FANCC: variants seen among roughly 807,000 people sequenced by gnomAD.
FANCC encodes Fanconi anemia group C protein.
Under a neutral mutation model 71.3 loss-of-function variants are expected in FANCC, and 55 were observed. The observed-to-expected ratio is 0.77, with a 90% CI of 0.62 to 0.97. The LOEUF (loss-of-function observed/expected upper bound fraction) is 0.97. FANCC is among the 50% of genes least tolerant of loss of function. The pLI is 0.00. For synonymous variants in FANCC, 275 were observed against 244.9 expected, an observed-to-expected ratio of 1.12 and a Z score of -1.15; for missense variants, 678 against 670.9, an observed-to-expected ratio of 1.01 and a Z score of -0.12.
intron 6 of FANCC, among the ~76,000 whole-genome samples, chr9:95,154,563 G>A (rs1472694293): frequency 6.6e-6 from 1 of 152,156 alleles, no homozygotes; most frequent in Non-Finnish European, 1.5e-5. Context: ...AATCTCAAAA[G>A]TTGAATGAAT....
intron 3 of FANCC, among the ~76,000 whole-genome samples, chr9:95,244,678 CAAAAAAAAAAAAAAAAAAAAAAA>C (rs576605250): frequency 1.4e-4 from 6 of 41,554 alleles, no homozygotes; most frequent in Admixed American, 5.0e-4. Context: ...GACTTTGTCT[CAAAAAAAAAAAAAAAAAAAAAAA>C]AAAAAAAAAA....
chr9:95,288,152 T>G (rs959345252), intron 1 of FANCC, among the ~76,000 whole-genome samples: 4 of 152,202 alleles, frequency 2.6e-5, no homozygotes. Context: ...GTGGAATAAT[T>G]ATTTCTTTTA....
chr9:95,134,024 T>C (rs1030442755), intron 8 of FANCC, among the ~76,000 whole-genome samples: 5 of 152,224 alleles, frequency 3.3e-5, no homozygotes, highest in East Asian at 1.9e-4. Flanking sequence ...TCAGTCTTAA[T>C]ATACACGTCT....
At chr9:95,218,536 T>C (rs981610258) in intron 4 of FANCC, among the ~76,000 whole-genome samples, 4 of 152,148 alleles carry the variant, frequency 2.6e-5, no homozygotes, top group African/African-American at 9.7e-5. Context: ...CAGATCAATA[T>C]TTCTCATGAA....
chr9:95,304,939 G>T (rs1030595277), intron 1 of FANCC, among the ~76,000 whole-genome samples: 2 of 152,084 alleles, frequency 1.3e-5, no homozygotes, highest in African/African-American at 4.8e-5. Flanking sequence ...ACTTGACAAT[G>T]CTTGGCTTCA....
At chr9:95,226,310 C>G (rs757303835) in intron 4 of FANCC, among the ~76,000 whole-genome samples, 1 of 152,144 alleles carries the variant, frequency 6.6e-6, no homozygotes, top group Non-Finnish European at 1.5e-5. Flanking sequence ...TTTTCAGATG[C>G]CTGTTACTAG....
chr9:95,175,397 T>TA (rs1368861148), intron 4 of FANCC, among the ~76,000 whole-genome samples: 1 of 152,128 alleles, frequency 6.6e-6, no homozygotes, highest in South Asian at 2.1e-4. Flanking sequence ...CTTACAGAGT[T>TA]AGAGAGTTAG....
At chr9:95,129,784 C>G (rs914023108) in intron 8 of FANCC, among the ~76,000 whole-genome samples, 4 of 152,114 alleles carry the variant, frequency 2.6e-5, no homozygotes, top group African/African-American at 4.8e-5. Context: ...TTATCTCCCC[C>G]CTCAGGCTTT....
chr9:95,287,385 T>C (rs1481679851), intron 1 of FANCC, among the ~76,000 whole-genome samples: 1 of 152,230 alleles, frequency 6.6e-6, no homozygotes, highest in Non-Finnish European at 1.5e-5. Context: ...GCATTCCTCA[T>C]TTATGTTCAC....
chr9:95,234,531 C>A (rs577958136), intron 4 of FANCC, among the ~76,000 whole-genome samples: 1 of 152,308 alleles, frequency 6.6e-6, no homozygotes, highest in African/African-American at 2.4e-5. Context: ...TTAGCCAAGG[C>A]TGTCTTGATG....
At chr9:95,209,251 C>T (rs895666491) in intron 4 of FANCC, among the ~76,000 whole-genome samples, 3 of 152,100 alleles carry the variant, frequency 2.0e-5, no homozygotes, top group Non-Finnish European at 4.4e-5. Context: ...AGGGAGAGCA[C>T]GAATAATTTC....
At chr9:95,114,910 G>C (rs770680007) in intron 11 of FANCC, among the ~76,000 whole-genome samples, 200 bp from the exon 12 acceptor site, 1 of 152,188 alleles carries the variant, frequency 6.6e-6, no homozygotes, top group Non-Finnish European at 1.5e-5. Flanking sequence ...ATGTCACACA[G>C]AGTTGAACAT....
chr9:95,149,863 C>A (rs1830043801), intron 7 of FANCC, 60 bp downstream of exon 7: 1 of 1,539,208 alleles, frequency 6.5e-7, no homozygotes, highest in African/African-American at 1.4e-5. Flanking sequence ...TTCCAACACA[C>A]CACAGCCTTC....
chr9:95,187,350 G>A (rs1308473455), intron 4 of FANCC, among the ~76,000 whole-genome samples: 1 of 152,144 alleles, frequency 6.6e-6, no homozygotes, highest in Non-Finnish European at 1.5e-5. Context: ...CATGGTCACG[G>A]CCAAGGCCCA....
chr9:95,295,211 A>T (rs1011187306), intron 1 of FANCC, among the ~76,000 whole-genome samples: 4 of 152,180 alleles, frequency 2.6e-5, no homozygotes, highest in African/African-American at 9.7e-5. Context: ...CAAACTAAAA[A>T]TGTCTTCACA....
chr9:95,302,778 T>C (rs1022193223), intron 1 of FANCC, among the ~76,000 whole-genome samples: 11 of 152,112 alleles, frequency 7.2e-5, no homozygotes, highest in African/African-American at 2.4e-4. Context: ...CCTACAAACA[T>C]ATCAGAAAGC....
At chr9:95,294,030 A>T (rs1271605018) in intron 1 of FANCC, 24 of 1,597,634 alleles carry the variant, frequency 1.5e-5, no homozygotes, top group Non-Finnish European at 1.9e-5. Context: ...AATGTGCACC[A>T]ATTATAAACT....
chr9:95,294,118 T>C, intron 1 of FANCC: 7 of 1,609,718 alleles, frequency 4.3e-6, no homozygotes, highest in Non-Finnish European at 6.0e-6. Context: ...ATTAAGTGAT[T>C]TGGAAAACAT....
chr9:95,317,079 A>C (rs1222625035), intron 1 of FANCC: 1 of 152,498 alleles, frequency 6.6e-6, no homozygotes, highest in East Asian at 1.9e-4. Flanking sequence ...GACCGGCTCA[A>C]AGGGGCGAGC....
Sources: gnomAD v4.1 joint callset for allele counts (sites outside exome capture counted in the v4.1 genomes callset) on GRCh38, gnomAD v4.1.1 for gene constraint, MANE v1.5 for transcripts, NCBI Gene and HGNC (gene_info 2026-07-23, HGNC 2026-07-21) for gene names.